Variants in ELP4 observed in about 807,000 individuals in gnomAD.
ELP4 encodes elongator acetyltransferase complex subunit 4, also known as elongator complex protein 4.
A neutral mutation model predicts 48.9 loss-of-function variants in ELP4; 51 were observed. That is an observed-to-expected ratio of 1.04 (90% confidence interval 0.83 to 1.32). The LOEUF (loss-of-function observed/expected upper bound fraction) is 1.32, where lower values mean the gene tolerates loss of function less well. Ranked by LOEUF, ELP4 falls within the 40% of genes most tolerant of loss-of-function variation. ELP4 has a pLI of 0.00. For synonymous variants in ELP4, 210 were observed against 189.2 expected, an observed-to-expected ratio of 1.11 and a Z score of -0.90; for missense variants, 519 against 514.6, an observed-to-expected ratio of 1.01 and a Z score of -0.08.
At chr11:31,779,238 G>T (rs937953376) in intron 9 of ELP4, among the ~76,000 whole-genome samples, 1 of 152,140 alleles carries the variant, frequency 6.6e-6, no homozygotes, top group Non-Finnish European at 1.5e-5. Flanking sequence ...CTGATGGTTT[G>T]GTCTTGGCAA....
intron 8 of ELP4, chr11:31,648,074 A>G (rs372481468): frequency 5.0e-5 from 17 of 337,140 alleles, no homozygotes; most frequent in Middle Eastern, 8.3e-4. Flanking sequence ...GTACTGAGGC[A>G]TGGCTGAGTC....
chr11:31,628,284 C>T (rs1944788774), intron 6 of ELP4: 1 of 152,092 alleles, frequency 6.6e-6, no homozygotes, highest in African/African-American at 2.4e-5. Flanking sequence ...CACCTATCCC[C>T]ACTTGCTGTG....
At chr11:31,704,199 T>C (rs1946582663) in intron 9 of ELP4, among the ~76,000 whole-genome samples, 2 of 152,202 alleles carry the variant, frequency 1.3e-5, no homozygotes, top group Admixed American at 6.5e-5. Flanking sequence ...TTTGTATCTG[T>C]TTGAAAATAG....
At chr11:31,758,597 C>T (rs1209247533) in intron 9 of ELP4, among the ~76,000 whole-genome samples, 4 of 152,022 alleles carry the variant, frequency 2.6e-5, no homozygotes. Context: ...TTGTACAAGA[C>T]CTCACCTCAC....
chr11:31,550,059 G>A (rs186142629), intron 3 of ELP4, among the ~76,000 whole-genome samples: 15 of 151,836 alleles, frequency 9.9e-5, no homozygotes, highest in Non-Finnish European at 1.6e-4. Context: ...TGGGTGCAGC[G>A]CACCAGCATG....
chr11:31,559,994 AAT>A (rs965856927), intron 3 of ELP4, among the ~76,000 whole-genome samples: 19 of 152,152 alleles, frequency 1.2e-4, no homozygotes, highest in African/African-American at 4.3e-4. Context: ...ATTAAAAAAA[AAT>A]AAAATGATAT....
chr11:31,515,064 T>G (rs1956086619), intron 1 of ELP4, among the ~76,000 whole-genome samples: 1 of 149,158 alleles, frequency 6.7e-6, no homozygotes, highest in African/African-American at 2.5e-5. Context: ...TATGTATAGG[T>G]CCAAATTATT....
At chr11:31,658,431 C>T (rs1461706231) in intron 9 of ELP4, among the ~76,000 whole-genome samples, 2 of 150,178 alleles carry the variant, frequency 1.3e-5, no homozygotes, top group African/African-American at 4.9e-5. Flanking sequence ...TTACTTATTT[C>T]TAGTAATATG....
intron 9 of ELP4, among the ~76,000 whole-genome samples, chr11:31,758,221 C>T (rs1057198964): frequency 2.0e-5 from 3 of 152,150 alleles, no homozygotes; most frequent in Non-Finnish European, 4.4e-5. Flanking sequence ...AATTTCAGAG[C>T]GTATTAACAA....
intron 3 of ELP4, among the ~76,000 whole-genome samples, chr11:31,589,463 G>T (rs1055284706): frequency 5.3e-5 from 8 of 152,146 alleles, no homozygotes; most frequent in Non-Finnish European, 1.2e-4. Context: ...ATCATCTAGT[G>T]CCTCTTTTAT....
rs577588428 is a variant in ELP4 at position 31,643,997 on chromosome 11, T to G, written c.928-3744T>G. Among the ~76,000 whole-genome samples, 23 of 151,950 alleles carry G rather than the reference T, an allele frequency of 1.5e-4. No homozygotes were observed. In the South Asian group the frequency reaches 2.9e-3, roughly 19 times the overall value. On this transcript the variant is annotated intron_variant, in intron 7 of 9. Transcript: ENST00000640961. The stretch of plus-strand genomic sequence containing the variant: ...TTTATGTAACTTAATACAATGCTAT[T>G]TGAGATTGCCAGCAAACTCTTAAAA...
chr11:31,743,890 T>TAAGA (rs1196893804), intron 9 of ELP4, among the ~76,000 whole-genome samples: 3 of 151,808 alleles, frequency 2.0e-5, no homozygotes, highest in Non-Finnish European at 2.9e-5. Flanking sequence ...AAGAAATAAC[T>TAAGA]TAGAGCAGAA....
At chr11:31,632,526 C>A in intron 7 of ELP4, 121 bp downstream of exon 7, 1 of 675,226 alleles carries the variant, frequency 1.5e-6, no homozygotes, top group South Asian at 3.4e-5. Flanking sequence ...GCTTTCTGGC[C>A]ATTTGCATGT....
Position 31,529,954 on chromosome 11 carries a change from T to A in ELP4, c.260-9708T>A, listed in dbSNP as rs150087976. On this transcript the variant is annotated intron_variant, in intron 2 of 9. Coordinates refer to ENST00000640961, the MANE Select transcript of ELP4 (RefSeq NM_019040.5). ...GCAGACTTAATACAACAGGTCAGAG[T>A]GAGGCTAGGGACATCTCTCTACCTG... Among the ~76,000 whole-genome samples, 573 of 152,204 alleles carry A rather than the reference T, an allele frequency of 3.8e-3. 5 individuals carry two copies. Among genetic ancestry groups the A allele is most frequent in the African/African-American group, 0.012 (517 of 41,544 alleles).
At chr11:31,518,255 G>T (rs991365898) in intron 1 of ELP4, among the ~76,000 whole-genome samples, 1 of 151,192 alleles carries the variant, frequency 6.6e-6, no homozygotes, top group Non-Finnish European at 1.5e-5. Flanking sequence ...TACAGGCATG[G>T]GCCACCACGC....
chr11:31,781,488 CTTTTTTTTTTT>C (rs141365629), intron 9 of ELP4, among the ~76,000 whole-genome samples: 10 of 67,438 alleles, frequency 1.5e-4, no homozygotes, highest in African/African-American at 5.6e-4. Flanking sequence ...ATTCCTGAGC[CTTTTTTTTTTT>C]TTTTTTTTTT....
intron 5 of ELP4, among the ~76,000 whole-genome samples, chr11:31,607,155 A>G (rs142482141): frequency 2.0e-5 from 3 of 152,266 alleles, no homozygotes; most frequent in East Asian, 3.9e-4. Flanking sequence ...CCAGGCACCA[A>G]CTCTGCTGGC....
chr11:31,548,150 G>A (rs975163064), intron 3 of ELP4, among the ~76,000 whole-genome samples: 6 of 152,066 alleles, frequency 3.9e-5, no homozygotes, highest in Non-Finnish European at 5.9e-5. Flanking sequence ...AATTAGGCAG[G>A]AGAAGGAAAT....
intron 3 of ELP4, among the ~76,000 whole-genome samples, chr11:31,546,197 A>T (rs1162252050): frequency 6.6e-6 from 1 of 152,124 alleles, no homozygotes; most frequent in Admixed American, 6.5e-5. Flanking sequence ...GGCAAATTGG[A>T]TAAAGAGTCA....
Sources: allele counts gnomAD v4.1 joint callset (sites outside exome capture counted in the v4.1 genomes callset), GRCh38; gene constraint gnomAD v4.1.1; transcripts MANE v1.5; gene names NCBI Gene and HGNC (gene_info 2026-07-23, HGNC 2026-07-21).